SUMF1: variants seen among roughly 807,000 people sequenced by gnomAD.
SUMF1 encodes the protein sulfatase modifying factor 1.
Under a neutral mutation model 47.6 loss-of-function variants are expected in SUMF1, and 48 were observed. The observed-to-expected ratio is 1.01, with a 90% CI of 0.80 to 1.28. The LOEUF (loss-of-function observed/expected upper bound fraction) is 1.28. Ranked by LOEUF, SUMF1 falls within the 50% of genes most tolerant of loss-of-function variation. SUMF1 has a pLI of 0.00. For missense variants in SUMF1, 571 were observed against 485.4 expected (o/e 1.18, Z -1.66); for synonymous variants, 230 against 192.1 (o/e 1.20, Z -1.63).
chr3:4,307,796 G>A (rs1427370601), intron 8 of SUMF1, among the ~76,000 whole-genome samples: 2 of 152,096 alleles, frequency 1.3e-5, no homozygotes, highest in African/African-American at 4.8e-5. Context: ...CAACCCTTTT[G>A]GAGGCCAAGG....
chr3:4,295,270 T>C (rs1189275180), intron 8 of SUMF1, among the ~76,000 whole-genome samples: 2 of 152,186 alleles, frequency 1.3e-5, no homozygotes, highest in Non-Finnish European at 2.9e-5. Context: ...AGAAAATTAA[T>C]ATAGTCTCTA....
At chr3:4,294,409 A>T (rs1177356907) in intron 8 of SUMF1, among the ~76,000 whole-genome samples, 3 of 152,106 alleles carry the variant, frequency 2.0e-5, no homozygotes, top group African/African-American at 4.8e-5. Context: ...CAAAAAATTT[A>T]AAAAATTAGC....
Position 4,243,588 on chromosome 3 carries a change from A to T in SUMF1, c.1014+132742T>A, listed in dbSNP as rs551474171. ...TGCATGGTTTTGAGTAAAGTTTCTT[A>T]ATTCTGAGTTCTAGTTTGATTCCAC... On this transcript the variant is annotated intron_variant and NMD_transcript_variant, in intron 8 of 12. Transcript: ENST00000448413. Among the ~76,000 whole-genome samples, 67 of 152,230 alleles carry T rather than the reference A, an allele frequency of 4.4e-4. 1 individual carries two copies. The highest frequency in any genetic ancestry group is 7.5e-4 in the Non-Finnish European group (51 of 68,004).
At chr3:4,407,927 A>C (rs556123136) in intron 7 of SUMF1, among the ~76,000 whole-genome samples, 1 of 152,342 alleles carries the variant, frequency 6.6e-6, no homozygotes, top group African/African-American at 2.4e-5. Flanking sequence ...CCCAGGGGGA[A>C]CTGGAAATAG....
rs148552070 is a variant in SUMF1 at position 4,066,476 on chromosome 3, T to G, written c.1191+2093A>C. 5.1e-3 allele frequency among the ~76,000 whole-genome samples: 771 copies of G among 152,256 alleles called. 5 individuals carry two copies. The highest frequency in any genetic ancestry group is 0.018 in the African/African-American group (735 of 41,526). ...CCTCCTGGTATTAAAGCTTGAAACTTACATTTGTCTTATCCGACAAACTTT... is the reference window on the plus strand; with the variant it reads ...CCTCCTGGTATTAAAGCTTGAAACTGACATTTGTCTTATCCGACAAACTTT... On this transcript the variant is annotated intron_variant and NMD_transcript_variant, in intron 9 of 12. Coordinates refer to the SUMF1 transcript ENST00000448413.
chr3:4,036,041 G>T (rs1694787103), intron 9 of SUMF1, among the ~76,000 whole-genome samples: 1 of 152,088 alleles, frequency 6.6e-6, no homozygotes, highest in African/African-American at 2.4e-5. Flanking sequence ...AAGGAAATTT[G>T]TAATATTTAC....
chr3:4,466,680 T>C (rs1016819554), intron 1 of SUMF1, among the ~76,000 whole-genome samples: 1 of 152,176 alleles, frequency 6.6e-6, no homozygotes, highest in Non-Finnish European at 1.5e-5. Flanking sequence ...ATTTAAACCA[T>C]AATTTGATTG....
At chr3:4,126,892 A>G (rs545984166) in intron 8 of SUMF1, among the ~76,000 whole-genome samples, 19 of 152,276 alleles carry the variant, frequency 1.2e-4, no homozygotes, top group African/African-American at 3.8e-4. Context: ...TCAAACTTAA[A>G]TCTCTAATAT....
At chr3:4,039,767 T>A (rs1009087266) in intron 9 of SUMF1, among the ~76,000 whole-genome samples, 1 of 152,174 alleles carries the variant, frequency 6.6e-6, no homozygotes, top group African/African-American at 2.4e-5. Flanking sequence ...ATACCCATAA[T>A]CTCAGCACTT....
At chr3:4,135,187 C>T (rs1313686659) in intron 8 of SUMF1, among the ~76,000 whole-genome samples, 1 of 152,090 alleles carries the variant, frequency 6.6e-6, no homozygotes, top group Non-Finnish European at 1.5e-5. Flanking sequence ...AAAATTTAGA[C>T]CAATATCCTT....
intron 8 of SUMF1, among the ~76,000 whole-genome samples, chr3:4,097,692 A>C (rs1010450130): frequency 1.3e-5 from 2 of 152,168 alleles, no homozygotes; most frequent in African/African-American, 4.8e-5. Flanking sequence ...TCTCTAGTAA[A>C]GACTCTCCAG....
intron 8 of SUMF1, among the ~76,000 whole-genome samples, chr3:4,213,042 A>C (rs1023222366): frequency 2.6e-5 from 4 of 152,136 alleles, no homozygotes; most frequent in Non-Finnish European, 4.4e-5. Context: ...CCAACATTCA[A>C]ATTCAGGAAA....
At chr3:4,317,467 G>C (rs919295541) in intron 8 of SUMF1, 1 of 480,624 alleles carries the variant, frequency 2.1e-6, no homozygotes, top group Non-Finnish European at 3.7e-6. Flanking sequence ...CAGATCACTT[G>C]AGTCCAATTG....
chr3:4,211,203 C>T (rs1825505), intron 8 of SUMF1, among the ~76,000 whole-genome samples: 42,448 of 94,924 alleles, frequency 0.45, 9,706 homozygotes, highest in South Asian at 0.51. Flanking sequence ...TACATACATA[C>T]ATATATATAT....
intron 8 of SUMF1, among the ~76,000 whole-genome samples, chr3:4,330,748 C>CTTTTT (rs1559228646): frequency 6.6e-6 from 1 of 152,142 alleles, no homozygotes; most frequent in Non-Finnish European, 1.5e-5. Context: ...TAGTATTTCA[C>CTTTTT]AAAAATCTTT....
At chr3:4,176,939 A>G (rs1183813301) in intron 8 of SUMF1, among the ~76,000 whole-genome samples, 1 of 152,168 alleles carries the variant, frequency 6.6e-6, no homozygotes, top group African/African-American at 2.4e-5. Context: ...AAAGAGACAA[A>G]GAAGGCCATT....
chr3:4,337,603 C>G (rs73809516), intron 8 of SUMF1, among the ~76,000 whole-genome samples: 2,058 of 152,274 alleles, frequency 0.014, 50 homozygotes, highest in African/African-American at 0.047. Context: ...ACTCTACCCT[C>G]CCTCCATCCC....
chr3:4,323,366 G>C (rs1486321851), intron 8 of SUMF1, among the ~76,000 whole-genome samples: 2 of 152,168 alleles, frequency 1.3e-5, no homozygotes, highest in African/African-American at 2.4e-5. Flanking sequence ...TAGATTAGTG[G>C]TTGCCAGGGC....
intron 9 of SUMF1, among the ~76,000 whole-genome samples, chr3:4,042,180 A>G (rs1319447691): frequency 6.6e-6 from 1 of 152,216 alleles, no homozygotes; most frequent in Non-Finnish European, 1.5e-5. Context: ...AGTATTGAGA[A>G]GCAAATGAGG....
Sources: gnomAD v4.1 joint callset for allele counts (sites outside exome capture counted in the v4.1 genomes callset) on GRCh38, gnomAD v4.1.1 for gene constraint, MANE v1.5 for transcripts, NCBI Gene and HGNC (gene_info 2026-07-23, HGNC 2026-07-21) for gene names.